Variants in CAMK2D observed in about 807,000 individuals in gnomAD.
The protein encoded by CAMK2D is calcium/calmodulin-dependent protein kinase type II subunit delta.
In CAMK2D, 37 loss-of-function variants were observed where a neutral mutation model predicts 84.0. That is an observed-to-expected ratio of 0.44 (90% CI 0.34 to 0.58). CAMK2D has a LOEUF of 0.58. CAMK2D is among the 20% of genes least tolerant of loss of function. The pLI is 0.02. For synonymous variants in CAMK2D, 202 were observed against 212.5 expected (o/e 0.95, Z 0.43); for missense variants, 448 against 652.5 (o/e 0.69, Z 3.41).
Position 113,761,508 on chromosome 4 carries a change from G to C in CAMK2D, c.-440C>G. The C allele has an allele frequency of 9.7e-7, 1 of 1,036,010 alleles. No homozygotes were observed. Among genetic ancestry groups the C allele is most frequent in the Non-Finnish European group, 1.2e-6 (1 of 859,954 alleles). The allele number at this position is 1,036,010 out of a possible 1,614,324, so 64.2% of individuals were successfully genotyped here. A position where few individuals can be genotyped will look rare whatever the true frequency, so the allele number is the denominator to read the frequency against. The stretch of plus-strand genomic sequence containing the variant: ...AGAGGGGAGGGAGTCCGAGGGGGCG[G>C]AGGTGGAGTGCAGCGGGGCCGAGGC... On this transcript the variant is annotated 5_prime_UTR_variant, in exon 1 of 21. Transcript: ENST00000511664.
intron 3 of CAMK2D, among the ~76,000 whole-genome samples, chr4:113,610,246 T>G (rs577406752): frequency 1.3e-5 from 2 of 152,250 alleles, no homozygotes; most frequent in South Asian, 4.1e-4. Flanking sequence ...ATTCTTCCTG[T>G]GTATCCAAAT....
rs114206521 is a variant in CAMK2D at position 113,738,515 on chromosome 4, T to C, written c.160+20805A>G. Among the ~76,000 whole-genome samples, 539 of 152,206 alleles carry C rather than the reference T, an allele frequency of 3.5e-3. 3 individuals carry two copies. The highest frequency in any genetic ancestry group is 0.012 in the African/African-American group (502 of 41,540). On this transcript the variant is annotated intron_variant, in intron 2 of 20. Transcript: ENST00000511664. Reference sequence around the variant, plus strand: ...TAAATGAAAATAGGATATTGCACAATGAGTGAATGCAAAAAAATATTTTTA... The same window carrying C: ...TAAATGAAAATAGGATATTGCACAACGAGTGAATGCAAAAAAATATTTTTA...
intron 8 of CAMK2D, among the ~76,000 whole-genome samples, chr4:113,525,068 C>A (rs753313529): frequency 2.0e-5 from 3 of 152,066 alleles, no homozygotes; most frequent in Non-Finnish European, 2.9e-5. Context: ...ATGACTTACA[C>A]CAGCTGAAAT....
At chr4:113,561,826 A>G (rs2154211662) in intron 4 of CAMK2D, among the ~76,000 whole-genome samples, 1 of 152,340 alleles carries the variant, frequency 6.6e-6, no homozygotes, top group South Asian at 2.1e-4. Context: ...TCTAGGTTTA[A>G]CATTCATGCT....
At chr4:113,593,259 T>G (rs2154252976) in intron 4 of CAMK2D, among the ~76,000 whole-genome samples, 1 of 152,332 alleles carries the variant, frequency 6.6e-6, no homozygotes, top group African/African-American at 2.4e-5. Context: ...AGTAAAATAC[T>G]GAACAAACTG....
At chr4:113,639,284 T>C (rs534327803) in intron 3 of CAMK2D, among the ~76,000 whole-genome samples, 82 of 151,952 alleles carry the variant, frequency 5.4e-4, no homozygotes, top group African/African-American at 1.9e-3. Context: ...AAAAAATGCA[T>C]AGTAAATTGT....
intron 2 of CAMK2D, among the ~76,000 whole-genome samples, chr4:113,740,047 A>T (rs1295169843): frequency 3.9e-5 from 6 of 152,196 alleles, no homozygotes; most frequent in Admixed American, 3.9e-4. Flanking sequence ...ATGCAAATTA[A>T]TCTGTTTAGT....
chr4:113,563,805 A>G (rs990905198), intron 4 of CAMK2D, among the ~76,000 whole-genome samples: 1 of 152,240 alleles, frequency 6.6e-6, no homozygotes, highest in African/African-American at 2.4e-5. Context: ...TAAGAACAGT[A>G]CAAATAAACA....
intron 2 of CAMK2D, among the ~76,000 whole-genome samples, chr4:113,683,473 C>A (rs2154336296): frequency 6.6e-6 from 1 of 152,258 alleles, no homozygotes; most frequent in African/African-American, 2.4e-5. Context: ...AAATAAACAC[C>A]ACCATACAAT....
intron 4 of CAMK2D, among the ~76,000 whole-genome samples, chr4:113,569,924 T>C (rs1561042918): frequency 6.6e-6 from 1 of 152,062 alleles, no homozygotes; most frequent in Non-Finnish European, 1.5e-5. Context: ...GTTCTGCTAA[T>C]AAACAAATTT....
At chr4:113,759,225 C>A in intron 2 of CAMK2D, 95 bp downstream of exon 2, 1 of 680,404 alleles carries the variant, frequency 1.5e-6, no homozygotes, top group South Asian at 2.6e-5. Context: ...GTCTAAAGTT[C>A]AGTTATAACT....
intron 16 of CAMK2D, among the ~76,000 whole-genome samples, chr4:113,488,041 T>C (rs1309050159): frequency 6.6e-6 from 1 of 152,000 alleles, no homozygotes; most frequent in Non-Finnish European, 1.5e-5. Flanking sequence ...AGATCCTTGC[T>C]GACATTTTAT....
chr4:113,708,650 C>G (rs1320195502), intron 2 of CAMK2D, among the ~76,000 whole-genome samples: 1 of 152,164 alleles, frequency 6.6e-6, no homozygotes, highest in Non-Finnish European at 1.5e-5. Flanking sequence ...TCCTGACAGT[C>G]TACACTCTAC....
intron 3 of CAMK2D, among the ~76,000 whole-genome samples, chr4:113,625,399 A>G (rs2099063412): frequency 2.0e-5 from 3 of 152,216 alleles, no homozygotes; most frequent in Admixed American, 2.0e-4. Context: ...ACAATAAAGC[A>G]GGGTAAGAGG....
At chr4:113,610,998 G>T (rs1447096113) in intron 3 of CAMK2D, among the ~76,000 whole-genome samples, 2 of 151,626 alleles carry the variant, frequency 1.3e-5, no homozygotes, top group African/African-American at 4.9e-5. Flanking sequence ...AAGGTTTTGG[G>T]ATGGAAATTT....
chr4:113,699,775 T>C (rs952770852), intron 2 of CAMK2D, among the ~76,000 whole-genome samples: 1 of 152,206 alleles, frequency 6.6e-6, no homozygotes, highest in Admixed American at 6.5e-5. Context: ...GCATTCATTA[T>C]GATATAAACA....
chr4:113,714,573 C>T (rs1407957466), intron 2 of CAMK2D, among the ~76,000 whole-genome samples: 1 of 152,026 alleles, frequency 6.6e-6, no homozygotes, highest in Non-Finnish European at 1.5e-5. Flanking sequence ...GGAGTTGAAA[C>T]TCCCATACCT....
chr4:113,688,947 T>TAA (rs11323297), intron 2 of CAMK2D, among the ~76,000 whole-genome samples: 1 of 52,308 alleles, frequency 1.9e-5, no homozygotes, highest in Non-Finnish European at 4.6e-5. Context: ...AAGAGCACAC[T>TAA]AAAAAAAAAA....
Position 113,478,626 on chromosome 4 carries a change from C to T in CAMK2D, c.1136-13022G>A, listed in dbSNP as rs576826230. On this transcript the variant is annotated intron_variant, in intron 16 of 20. Transcript: ENST00000511664. ...AAGTAAGTTATTTTTTCTGTCATTA[C>T]GGACCATTAACCTTTCCAGAGGTAT... 1.2e-3 allele frequency among the ~76,000 whole-genome samples: 181 copies of T among 152,198 alleles called. 1 individual carries two copies. Among genetic ancestry groups the T allele is most frequent in the Non-Finnish European group, 1.8e-3 (124 of 68,000 alleles).
Sources: allele counts gnomAD v4.1 joint callset (sites outside exome capture counted in the v4.1 genomes callset), GRCh38; gene constraint gnomAD v4.1.1; transcripts MANE v1.5; gene names NCBI Gene and HGNC (gene_info 2026-07-23, HGNC 2026-07-21).